Variants in TDRD9 observed in about 807,000 individuals in gnomAD.
TDRD9 encodes ATP-dependent RNA helicase TDRD9.
Under a neutral mutation model 172.6 loss-of-function variants are expected in TDRD9, and 124 were observed. The ratio of observed to expected loss-of-function variants is 0.72; its 90% confidence interval spans 0.62 to 0.83. The LOEUF (loss-of-function observed/expected upper bound fraction) is 0.83, where lower values mean the gene tolerates loss of function less well. TDRD9 is among the 40% of genes least tolerant of loss of function. The pLI is 0.00. For missense variants in TDRD9, 1,479 were observed against 1,714.1 expected (o/e 0.86, Z 2.42); for synonymous variants, 619 against 617.1 (o/e 1.00, Z -0.05).
chr14:104,015,963 A>C lies in TDRD9; in HGVS notation c.2224-18A>C, dbSNP rs183794482. ...TAAAATAATGCTGTTACTTCATGAA[A>C]ATAAATTTCTTTTTCAGGTTGTATT... On this transcript the variant is annotated intron_variant, in intron 21 of 35. Transcript: ENST00000409874. 2.9e-3 allele frequency: 4,452 copies of C among 1,540,068 alleles called. 15 individuals are homozygous for C. Among genetic ancestry groups the C allele is most frequent in the Non-Finnish European group, 3.4e-3 (3,864 of 1,132,784 alleles).
intron 23 of TDRD9, among the ~76,000 whole-genome samples, chr14:104,021,135 G>A (rs1196636639): frequency 1.3e-5 from 2 of 152,150 alleles, no homozygotes; most frequent in African/African-American, 4.8e-5. Flanking sequence ...ATGGTGAAAG[G>A]CAAAGGGAAG....
rs139351813 is a variant in TDRD9, at chr14:104,042,827, T to G, written c.3974+640T>G. On this transcript the variant is annotated intron_variant, in intron 34 of 35. Transcript: ENST00000409874. ...TTGCCTGACAGTGTCCTGTGCTGGC[T>G]GGGACCTGGACCTCTGTGAAAGCAG... 4.6e-5 allele frequency among the ~76,000 whole-genome samples: 7 copies of G among 152,232 alleles called. No homozygotes were observed. The East Asian group carries it at 1.4e-3, about 30-fold the overall frequency.
rs942983320 is a variant in TDRD9 at position 104,033,687 on chromosome 14, A to G, written c.3510-273A>G. On this transcript the variant is annotated intron_variant, in intron 30 of 35. Transcript: ENST00000409874. ...TGGAGGTGGAGGTTCGGGCATCCCC[A>G]GCGTGTGCGTGGTTCCTAAGCCAAG... 6.6e-5 allele frequency among the ~76,000 whole-genome samples: 10 copies of G among 152,178 alleles called. No homozygotes were observed. In the East Asian group the frequency reaches 1.7e-3, roughly 27 times the overall value.
intron 5 of TDRD9, among the ~76,000 whole-genome samples, chr14:103,967,197 G>GT: frequency 6.6e-6 from 1 of 152,002 alleles, no homozygotes; most frequent in East Asian, 1.9e-4. Context: ...AGGGTAGGGT[G>GT]TTTAATAGAG....
In TDRD9 at chr14:104,000,098, C is replaced by A. The variant is rs192537649; in HGVS notation, c.1483+1370C>A. Among the ~76,000 whole-genome samples, 75 of 152,102 alleles carry A rather than the reference C, an allele frequency of 4.9e-4. 1 individual carries two copies. Among genetic ancestry groups the A allele is most frequent in the Middle Eastern group, 6.8e-3 (2 of 294 alleles). ...ATCCCAGCACTTTGGGAGACTGAGG[C>A]GGGTAGATGCCTGAGCTTAGGAGTT... On this transcript the variant is annotated intron_variant, in intron 13 of 35. Transcript: ENST00000409874.
intron 1 of TDRD9, 84 bp from the exon 2 acceptor site, chr14:103,955,580 G>C (rs2032152327): frequency 7.6e-6 from 7 of 925,890 alleles, no homozygotes; most frequent in Non-Finnish European, 1.1e-5. Context: ...TTTTTCCTGT[G>C]ACTTAATGTG....
chr14:103,984,282 A>G (rs2033585245), intron 7 of TDRD9, among the ~76,000 whole-genome samples: 1 of 152,256 alleles, frequency 6.6e-6, no homozygotes, highest in Non-Finnish European at 1.5e-5. Flanking sequence ...ACAATGGGGA[A>G]AATGTCTCCA....
At chr14:103,982,115 C>T (rs912869253) in intron 7 of TDRD9, among the ~76,000 whole-genome samples, 6 of 152,332 alleles carry the variant, frequency 3.9e-5, no homozygotes, top group African/African-American at 1.4e-4. Context: ...TTTCATGTCT[C>T]ATCCTTCTTA....
chr14:104,020,198 G>T (rs1269596659), intron 23 of TDRD9, among the ~76,000 whole-genome samples: 2 of 152,206 alleles, frequency 1.3e-5, no homozygotes, highest in East Asian at 3.9e-4. Flanking sequence ...TGAGTGGTCT[G>T]TCCGGAACTG....
chr14:104,004,346 T>G lies in TDRD9; in HGVS notation c.1581+11T>G, dbSNP rs1224674554. The G allele has an allele frequency of 2.1e-6, 3 of 1,408,068 alleles. No individual in the cohort carries two copies. 87.2% of individuals were successfully genotyped at this position (1,408,068 alleles called of 1,614,324 possible). A position where few individuals can be genotyped will look rare whatever the true frequency, so the allele number is the denominator to read the frequency against. On this transcript the variant is annotated intron_variant, in intron 14 of 35. Transcript: ENST00000409874. ...GTTCCTGAGATGTTGGTAATTCACT[T>G]TGGTCATTGTCAAAGTTTATTTATT... is the stretch of plus-strand genomic sequence containing the variant.
chr14:103,982,987 G>C (rs1213888461), intron 7 of TDRD9, among the ~76,000 whole-genome samples: 1 of 150,710 alleles, frequency 6.6e-6, no homozygotes, highest in African/African-American at 2.4e-5. Flanking sequence ...ATGAAATTGT[G>C]AAATGATCAA....
In TDRD9 at chr14:103,987,736, G is replaced by T. The variant is rs2033724194; in HGVS notation, c.1115+1416G>T. On this transcript the variant is annotated intron_variant, in intron 8 of 35. Coordinates refer to ENST00000409874, the MANE Select transcript of TDRD9 (RefSeq NM_153046.3). ...TAATGTCACTCATTGTTTTTAGATG[G>T]AGTGTTCTATAGATGTCTTTTAGGT... Among the ~76,000 whole-genome samples, 4 of 152,120 alleles carry T rather than the reference G, an allele frequency of 2.6e-5. 1 individual carries two copies. In the South Asian group the frequency reaches 8.3e-4, roughly 32 times the overall value.
chr14:103,974,832 G>A (rs769786096), intron 6 of TDRD9, among the ~76,000 whole-genome samples: 7 of 151,994 alleles, frequency 4.6e-5, no homozygotes, highest in Non-Finnish European at 7.4e-5. Flanking sequence ...TAATGATGGG[G>A]TCTTGCTATG....
chr14:103,935,120 G>A (rs2030670181), intron 1 of TDRD9, among the ~76,000 whole-genome samples: 1 of 152,304 alleles, frequency 6.6e-6, no homozygotes, highest in South Asian at 2.1e-4. Context: ...CCAGCTAGCT[G>A]GCCTATCCTG....
chr14:104,049,668 C>T lies in TDRD9; in HGVS notation c.4035C>T (p.Tyr1345=), dbSNP rs758287208. The change falls in exon 35 of 36, where the codon TAC becomes TAT. Residue 1345 remains tyrosine (Y), a synonymous_variant. Coordinates refer to ENST00000409874, the MANE Select transcript of TDRD9 (RefSeq NM_153046.3). ...TTCCCAAGTGGCATGAAAAGCCCTA[C>T]GAGTGGAATCAGGTGAGTGGGACGC... is the stretch of plus-strand genomic sequence containing the variant. ...KIVPKWHEKP[Y]EWNQVDPKLV... 10 of 1,588,612 alleles carry T rather than the reference C, an allele frequency of 6.3e-6. No homozygotes were observed. Among genetic ancestry groups the T allele is most frequent in the African/African-American group, 1.3e-5 (1 of 74,284 alleles).
intron 1 of TDRD9, among the ~76,000 whole-genome samples, chr14:103,953,992 G>T (rs2032074845): frequency 6.6e-6 from 1 of 152,112 alleles, no homozygotes. Flanking sequence ...GCCCAGTCAA[G>T]TTGACATAAA....
At chr14:104,049,737 C>T in intron 35 of TDRD9, 57 bp downstream of exon 35, 8 of 1,432,072 alleles carry the variant, frequency 5.6e-6, no homozygotes, top group Non-Finnish European at 7.7e-6. Flanking sequence ...GGGGACAGGC[C>T]CTGGGCAGAC....
intron 1 of TDRD9, among the ~76,000 whole-genome samples, chr14:103,948,820 A>C (rs1477742158): frequency 6.7e-6 from 1 of 149,906 alleles, no homozygotes; most frequent in Non-Finnish European, 1.5e-5. Flanking sequence ...GCAGTGAGCT[A>C]TAATTGCACC....
chr14:104,004,163 T>C, intron 13 of TDRD9, 75 bp from the exon 14 acceptor site: 1 of 665,592 alleles, frequency 1.5e-6, no homozygotes, highest in Non-Finnish European at 2.7e-6. Context: ...ATTTAATGAC[T>C]GTTTAAAAAG....
Sources: allele counts gnomAD v4.1 joint callset (sites outside exome capture counted in the v4.1 genomes callset), GRCh38; gene constraint gnomAD v4.1.1; transcripts MANE v1.5; gene names NCBI Gene and HGNC (gene_info 2026-07-23, HGNC 2026-07-21).